The following RARB variants were observed in gnomAD, a reference collection of about 807,000 sequenced individuals.
RARB encodes the protein HBV-activated protein.
RARB carries 17 observed loss-of-function variants against 51.9 expected under a neutral mutation model. That is an observed-to-expected ratio of 0.33 (90% confidence interval 0.22 to 0.49). RARB has a LOEUF of 0.49. Ranked by LOEUF, RARB falls within the 20% of genes least tolerant of loss-of-function variation. The pLI is 0.99. For missense variants in RARB, 369 were observed against 550.8 expected (o/e 0.67, Z 3.30); for synonymous variants, 215 against 195.4 (o/e 1.10, Z -0.84).
At chr3:25,120,184 C>T (rs953558534) in intron 3 of RARB, among the ~76,000 whole-genome samples, 1 of 152,038 alleles carries the variant, frequency 6.6e-6, no homozygotes, top group South Asian at 2.1e-4. Context: ...CCACAGGAAC[C>T]AGATAGGTAA....
chr3:25,176,515 C>G (rs1422049797), intron 5 of RARB, among the ~76,000 whole-genome samples: 1 of 151,286 alleles, frequency 6.6e-6, no homozygotes, highest in Non-Finnish European at 1.5e-5. Flanking sequence ...CCCACCTCAA[C>G]CCTCTGAGTG....
intron 5 of RARB, among the ~76,000 whole-genome samples, chr3:25,279,434 A>G (rs1183464647): frequency 6.6e-6 from 1 of 152,198 alleles, no homozygotes; most frequent in Non-Finnish European, 1.5e-5. Context: ...TTTGGTTACA[A>G]TTTTAATAGG....
chr3:25,526,665 C>T (rs368058744), intron 3 of RARB, among the ~76,000 whole-genome samples: 5 of 152,030 alleles, frequency 3.3e-5, no homozygotes, highest in African/African-American at 4.8e-5. Context: ...ACTGGATGGA[C>T]GGATGGATGG....
intron 2 of RARB, among the ~76,000 whole-genome samples, chr3:24,998,704 A>G (rs1384213720): frequency 3.3e-5 from 5 of 151,710 alleles, no homozygotes; most frequent in Admixed American, 3.3e-4. Flanking sequence ...TCTTCTAGGG[A>G]TTTTCCTTTT....
chr3:25,135,636 T>G (rs1182822039), intron 4 of RARB, among the ~76,000 whole-genome samples: 4 of 152,010 alleles, frequency 2.6e-5, no homozygotes, highest in African/African-American at 9.7e-5. Context: ...AGAAACACAT[T>G]GATGTCAGTG....
chr3:25,260,566 A>G (rs2125406484), intron 5 of RARB, among the ~76,000 whole-genome samples: 1 of 152,256 alleles, frequency 6.6e-6, no homozygotes, highest in Admixed American at 6.5e-5. Flanking sequence ...GAAACAAATC[A>G]GAATTGAGCC....
intron 2 of RARB, among the ~76,000 whole-genome samples, chr3:24,910,322 G>T (rs1694965281): frequency 6.6e-6 from 1 of 152,084 alleles, no homozygotes; most frequent in South Asian, 2.1e-4. Context: ...AGTTTTCCCA[G>T]TTAGGTTCAG....
Position 25,420,990 on chromosome 3 carries a change from C to CAAAA in RARB, c.179-40203_179-40202insAAAA, listed in dbSNP as rs376170107. ...GTGCTGAGGCTCAACACCACTTATGCCAAAAAAAAAAAAAAAAAACAGAGT... is the reference window on the plus strand; with the variant it reads ...GTGCTGAGGCTCAACACCACTTATGCAAAACAAAAAAAAAAAAAAAAAACAGAGT... On this transcript the variant is annotated intron_variant, in intron 5 of 11. Transcript: ENST00000383772. Among the ~76,000 whole-genome samples the CAAAA allele has an allele frequency of 3.6e-3, 225 of 62,420 alleles. 7 individuals carry two copies. The highest frequency in any genetic ancestry group is 0.012 in the African/African-American group (204 of 16,824). The allele number at this position is 62,420 out of a possible 152,430, so 40.9% of individuals were successfully genotyped here.
At chr3:25,326,340 A>G (rs1185084631) in intron 5 of RARB, among the ~76,000 whole-genome samples, 1 of 152,176 alleles carries the variant, frequency 6.6e-6, no homozygotes, top group Non-Finnish European at 1.5e-5. Context: ...TGATAGTTGG[A>G]CAAAGGTTTA....
chr3:25,021,129 T>G (rs1697627660), intron 2 of RARB, among the ~76,000 whole-genome samples: 1 of 152,218 alleles, frequency 6.6e-6, no homozygotes, highest in East Asian at 1.9e-4. Context: ...TTGTAAAAGA[T>G]CTATGTGAAG....
At chr3:25,067,666 T>C (rs983329482) in intron 3 of RARB, among the ~76,000 whole-genome samples, 2 of 152,238 alleles carry the variant, frequency 1.3e-5, no homozygotes, top group African/African-American at 4.8e-5. Flanking sequence ...AATATTTCAA[T>C]GAATAAATCT....
chr3:25,421,387 C>CAT (rs1362212207), intron 5 of RARB, among the ~76,000 whole-genome samples: 1 of 132,432 alleles, frequency 7.6e-6, no homozygotes, highest in Non-Finnish European at 1.6e-5. Flanking sequence ...ATTGCACTAA[C>CAT]ATTTTTTCTT....
At chr3:24,916,747 A>G (rs565755634) in intron 2 of RARB, among the ~76,000 whole-genome samples, 2 of 113,640 alleles carry the variant, frequency 1.8e-5, no homozygotes, top group East Asian at 6.0e-4. Flanking sequence ...TTGCAGTCTC[A>G]TTTCTATGTG....
chr3:25,319,919 A>G (rs1174329475), intron 5 of RARB, among the ~76,000 whole-genome samples: 2 of 152,148 alleles, frequency 1.3e-5, no homozygotes, highest in African/African-American at 4.8e-5. Flanking sequence ...AACTAGCACT[A>G]TCTCAATGTC....
intron 5 of RARB, among the ~76,000 whole-genome samples, chr3:25,256,084 A>G (rs888772141): frequency 6.6e-6 from 1 of 152,158 alleles, no homozygotes. Flanking sequence ...CAAATCTCCA[A>G]TACCTTAATT....
intron 1 of RARB, among the ~76,000 whole-genome samples, chr3:25,450,111 TTAGAG>T (rs1316752806): frequency 6.6e-6 from 1 of 152,142 alleles, no homozygotes; most frequent in Non-Finnish European, 1.5e-5. Context: ...TGAAAAATGC[TTAGAG>T]TAGAGTGAAG....
intron 5 of RARB, among the ~76,000 whole-genome samples, chr3:25,398,009 A>C (rs1575371048): frequency 6.6e-6 from 1 of 152,280 alleles, no homozygotes; most frequent in South Asian, 2.1e-4. Flanking sequence ...TTTAGGCTGA[A>C]GCTAAGGTAA....
At chr3:25,233,417 T>A (rs538103945) in intron 5 of RARB, among the ~76,000 whole-genome samples, 12 of 152,276 alleles carry the variant, frequency 7.9e-5, no homozygotes, top group African/African-American at 2.6e-4. Flanking sequence ...CACTTATTAG[T>A]TCTAGGAGGT....
intron 1 of RARB, among the ~76,000 whole-genome samples, chr3:24,848,589 C>T (rs1317177): frequency 0.31 from 46,421 of 152,086 alleles, 8,366 homozygotes; most frequent in Middle Eastern, 0.43. Context: ...CTCTGCCTCA[C>T]GAAGGGTACC....
Sources: allele counts gnomAD v4.1 joint callset (sites outside exome capture counted in the v4.1 genomes callset), GRCh38; gene constraint gnomAD v4.1.1; transcripts MANE v1.5; gene names NCBI Gene and HGNC (gene_info 2026-07-23, HGNC 2026-07-21).